The following ACOXL variants were observed in gnomAD, a reference collection of about 807,000 sequenced individuals.
The protein encoded by ACOXL is acyl-CoA oxidase like.
A neutral mutation model predicts 71.9 loss-of-function variants in ACOXL; 70 were observed. The observed-to-expected ratio is 0.97, with a 90% CI of 0.80 to 1.19. The LOEUF is 1.19. Among genes scored for constraint, ACOXL ranks in the 50% most tolerant of loss-of-function variants. The probability of loss-of-function intolerance (pLI) is 0.00; values close to 1 mark genes in which losing one functional copy is unlikely to be tolerated. For synonymous variants in ACOXL, 253 were observed against 281.6 expected, an observed-to-expected ratio of 0.90 and a Z score of 1.02; for missense variants, 703 against 736.3, an observed-to-expected ratio of 0.95 and a Z score of 0.52.
chr2:110,993,113 C>T (rs932096310), intron 13 of ACOXL, among the ~76,000 whole-genome samples: 3 of 152,118 alleles, frequency 2.0e-5, no homozygotes, highest in African/African-American at 7.2e-5. Context: ...TTAGCATGAG[C>T]GTCATTAACT....
At chr2:111,037,762 C>T (rs748577159) in intron 15 of ACOXL, among the ~76,000 whole-genome samples, 2 of 152,146 alleles carry the variant, frequency 1.3e-5, no homozygotes, top group Non-Finnish European at 2.9e-5. Context: ...TGCCCCGGGG[C>T]CAGTTAACCC....
intron 10 of ACOXL, among the ~76,000 whole-genome samples, chr2:110,861,673 A>G (rs1402251864): frequency 1.3e-5 from 2 of 152,208 alleles, no homozygotes; most frequent in Non-Finnish European, 2.9e-5. Flanking sequence ...ATGGAACAAA[A>G]GCTCTCTGTC....
chr2:110,750,038 A>G (rs560645100), intron 1 of ACOXL, among the ~76,000 whole-genome samples: 59 of 152,190 alleles, frequency 3.9e-4, no homozygotes, highest in Non-Finnish European at 7.5e-4. Flanking sequence ...ACATCGTATT[A>G]GTGAGTACAT....
chr2:110,868,446 T>A (rs931740868), intron 10 of ACOXL, among the ~76,000 whole-genome samples: 4 of 152,226 alleles, frequency 2.6e-5, no homozygotes, highest in African/African-American at 9.6e-5. Context: ...AGCAATTGAT[T>A]CCTTTGGCAG....
rs186572019 is a variant in ACOXL, at chr2:110,879,692, G to A, written c.789-29097G>A. Among the ~76,000 whole-genome samples the A allele has an allele frequency of 7.3e-4, 111 of 152,282 alleles. 3 individuals carry two copies. The highest frequency in any genetic ancestry group is 6.5e-3 in the Admixed American group (100 of 15,306). ...TCCAGAACAGTTGTGTGAGGTGCAT[G>A]TCTGGAGCCAAGCACTTAGGGCGTT... On this transcript the variant is annotated intron_variant, in intron 10 of 17. Transcript: ENST00000439055.
intron 10 of ACOXL, among the ~76,000 whole-genome samples, chr2:110,868,865 G>A (rs1694934784): frequency 6.6e-6 from 1 of 152,226 alleles, no homozygotes; most frequent in Non-Finnish European, 1.5e-5. Context: ...TGTTGGGATT[G>A]CAGGCGTGAG....
intron 8 of ACOXL, among the ~76,000 whole-genome samples, chr2:110,802,592 TG>T (rs940243967): frequency 6.6e-6 from 1 of 152,124 alleles, no homozygotes; most frequent in Non-Finnish European, 1.5e-5. Flanking sequence ...TAAAAATGAT[TG>T]GTATGACAAA....
chr2:111,075,734 C>T (rs2067568206), intron 16 of ACOXL, among the ~76,000 whole-genome samples: 1 of 151,978 alleles, frequency 6.6e-6, no homozygotes, highest in Non-Finnish European at 1.5e-5. Context: ...TACTACTTTT[C>T]CTGCACCCCA....
chr2:110,773,677 C>G (rs1037230367), intron 2 of ACOXL, among the ~76,000 whole-genome samples: 1 of 152,214 alleles, frequency 6.6e-6, no homozygotes, highest in African/African-American at 2.4e-5. Flanking sequence ...CCAGGCTTCT[C>G]CTAGTGGGCT....
chr2:110,822,160 T>G (rs1338589888), intron 9 of ACOXL, among the ~76,000 whole-genome samples: 1 of 152,178 alleles, frequency 6.6e-6, no homozygotes, highest in Non-Finnish European at 1.5e-5. Flanking sequence ...GGGATGTTGT[T>G]ACTTCTAGGC....
chr2:110,748,932 G>A (rs970120211), intron 1 of ACOXL, among the ~76,000 whole-genome samples: 1 of 152,212 alleles, frequency 6.6e-6, no homozygotes, highest in Non-Finnish European at 1.5e-5. Context: ...GGCTGAATCG[G>A]AGGTGTTTCT....
chr2:111,090,418 G>A (rs1480562070), intron 16 of ACOXL, among the ~76,000 whole-genome samples: 3 of 152,086 alleles, frequency 2.0e-5, no homozygotes, highest in Non-Finnish European at 4.4e-5. Context: ...TGGTACCTGT[G>A]CCTAGCTGTG....
intron 1 of ACOXL, among the ~76,000 whole-genome samples, chr2:110,755,386 T>G (rs957005050): frequency 7.2e-5 from 11 of 152,242 alleles, no homozygotes; most frequent in African/African-American, 2.4e-4. Context: ...TCATTGTTTA[T>G]GATTTTATAT....
intron 12 of ACOXL, among the ~76,000 whole-genome samples, chr2:110,984,715 A>G (rs1380956909): frequency 6.6e-6 from 1 of 152,224 alleles, no homozygotes; most frequent in Admixed American, 6.5e-5. Context: ...AGTTGCTTAA[A>G]TGGAAAAAGT....
At chr2:111,113,513 C>T (rs965584786) in intron 17 of ACOXL, among the ~76,000 whole-genome samples, 4 of 152,202 alleles carry the variant, frequency 2.6e-5, no homozygotes, top group African/African-American at 9.7e-5. Flanking sequence ...AAGTAGCTCC[C>T]TTCTGTACTT....
chr2:110,846,442 C>T (rs1691843392), intron 10 of ACOXL, among the ~76,000 whole-genome samples: 1 of 152,150 alleles, frequency 6.6e-6, no homozygotes, highest in South Asian at 2.1e-4. Context: ...CAGGCTGCTG[C>T]AGACACAGAG....
chr2:110,906,602 AAACC>A (rs2059457982), intron 10 of ACOXL, among the ~76,000 whole-genome samples: 1 of 151,382 alleles, frequency 6.6e-6, no homozygotes, highest in Non-Finnish European at 1.5e-5. Context: ...AAAAAAAAAA[AAACC>A]AACCTAACAA....
At chr2:110,744,490 G>A (rs1677941230) in intron 1 of ACOXL, among the ~76,000 whole-genome samples, 1 of 152,160 alleles carries the variant, frequency 6.6e-6, no homozygotes, top group Non-Finnish European at 1.5e-5. Context: ...TGGTGAGCTG[G>A]TGGTAATTTC....
rs568450709 is a variant in ACOXL at position 110,919,327 on chromosome 2, G to A, written c.905+10422G>A. Among the ~76,000 whole-genome samples, 113 of 145,174 alleles carry A rather than the reference G, an allele frequency of 7.8e-4. 2 individuals carry two copies. The South Asian group carries it at 0.025, about 32-fold the overall frequency. The stretch of plus-strand genomic sequence containing the variant: ...AGGAACAGAAAACCAAACACCACAT[G>A]TTCTCGCTCATAAGTGGGAGCTGAA... On this transcript the variant is annotated intron_variant, in intron 11 of 17. Transcript: ENST00000439055.
Sources: allele counts gnomAD v4.1 joint callset (sites outside exome capture counted in the v4.1 genomes callset), GRCh38; gene constraint gnomAD v4.1.1; transcripts MANE v1.5; gene names NCBI Gene and HGNC (gene_info 2026-07-23, HGNC 2026-07-21).